VRK1: variants seen among roughly 807,000 people sequenced by gnomAD.
The protein encoded by VRK1 is serine/threonine-protein kinase VRK1.
In VRK1, 33 loss-of-function variants were observed where a neutral mutation model predicts 57.1. That is an observed-to-expected ratio of 0.58 (90% confidence interval 0.44 to 0.77). The LOEUF (loss-of-function observed/expected upper bound fraction) is 0.77, where lower values mean the gene tolerates loss of function less well. Among genes scored for constraint, VRK1 ranks in the 30% least tolerant of loss-of-function variants. VRK1 has a pLI of 0.00. For missense variants in VRK1, 413 were observed against 477.3 expected (o/e 0.87, Z 1.25); for synonymous variants, 137 against 147.8 (o/e 0.93, Z 0.53).
intron 2 of VRK1, 109 bp downstream of exon 2, chr14:96,833,740 CAACTT>C (rs1887105561): frequency 9.2e-6 from 14 of 1,517,032 alleles, no homozygotes; most frequent in Non-Finnish European, 1.3e-5. Flanking sequence ...AATCTGCAGT[CAACTT>C]AATAGTTTCT....
At chr14:96,805,702 TGTATC>T (rs1885845513) in intron 1 of VRK1, among the ~76,000 whole-genome samples, 1 of 152,124 alleles carries the variant, frequency 6.6e-6, no homozygotes, top group African/African-American at 2.4e-5. Context: ...CATGGAAAAA[TGTATC>T]ATTCCATTAA....
At chr14:96,849,383 C>A (rs1196045245) in intron 5 of VRK1, among the ~76,000 whole-genome samples, 1 of 151,854 alleles carries the variant, frequency 6.6e-6, no homozygotes, top group African/African-American at 2.4e-5. Flanking sequence ...GTACCTGGGG[C>A]TAGAGCATTT....
intron 1 of VRK1, among the ~76,000 whole-genome samples, chr14:96,827,041 A>G (rs900413921): frequency 4.6e-5 from 7 of 152,232 alleles, no homozygotes; most frequent in African/African-American, 1.7e-4. Flanking sequence ...AGAAAGGGGC[A>G]CACCCTGAGA....
intron 2 of VRK1, among the ~76,000 whole-genome samples, chr14:96,835,301 C>T (rs1887170981): frequency 1.3e-5 from 2 of 152,170 alleles, no homozygotes; most frequent in Admixed American, 1.3e-4. Flanking sequence ...TACTGTTTAT[C>T]TTTGTTTCTC....
At chr14:96,840,636 G>A (rs941623759) in intron 3 of VRK1, among the ~76,000 whole-genome samples, 1 of 152,172 alleles carries the variant, frequency 6.6e-6, no homozygotes, top group African/African-American at 2.4e-5. Flanking sequence ...CTATGGGTAA[G>A]ATGAGTTTCT....
At chr14:96,876,790 AAC>A (rs1674293729) in intron 12 of VRK1, among the ~76,000 whole-genome samples, 1 of 150,332 alleles carries the variant, frequency 6.7e-6, no homozygotes, top group African/African-American at 2.4e-5. Flanking sequence ...AAAAAAAAAA[AAC>A]ACAAAAAAAC....
In VRK1 at chr14:96,876,108, GC is replaced by G; in HGVS notation, c.1149del (p.Ile384TyrfsTer43). 3 of 1,613,554 alleles carry G rather than the reference GC, an allele frequency of 1.9e-6. No homozygotes were observed. The highest frequency in any genetic ancestry group is 2.5e-6 in the Non-Finnish European group (3 of 1,179,614). On this transcript the variant is annotated frameshift_variant, in exon 12 of 13. Coordinates refer to ENST00000216639, the MANE Select transcript of VRK1 (RefSeq NM_003384.3). LOFTEE classifies it high-confidence loss of function. ...ATGGTCAAACACACAGACAGAGGAG[GC>G]CATACAGACCCGTAAGTTGAACAGT... ...TEWSNTQTEEAIQTRSRTRKR... is the reference protein window; with the variant it reads ...TEWSNTQTEEXIQTRSRTRKR...
chr14:96,801,685 C>A (rs1032118158), intron 1 of VRK1, among the ~76,000 whole-genome samples: 3 of 152,108 alleles, frequency 2.0e-5, no homozygotes, highest in African/African-American at 7.2e-5. Context: ...ATAGCATAAA[C>A]AATTAACACA....
At chr14:96,857,341 G>T (rs1287392452) in intron 10 of VRK1, among the ~76,000 whole-genome samples, 1 of 152,096 alleles carries the variant, frequency 6.6e-6, no homozygotes, top group African/African-American at 2.4e-5. Context: ...GCCTCACTTG[G>T]AAGGTGACAT....
intron 11 of VRK1, among the ~76,000 whole-genome samples, chr14:96,863,867 A>G (rs1390160261): frequency 6.6e-6 from 1 of 152,178 alleles, no homozygotes; most frequent in Non-Finnish European, 1.5e-5. Flanking sequence ...CTTCCATTGC[A>G]AATCAGTAGC....
At chr14:96,876,942 G>T (rs1042306967) in intron 12 of VRK1, among the ~76,000 whole-genome samples, 4 of 152,076 alleles carry the variant, frequency 2.6e-5, no homozygotes, top group Admixed American at 2.6e-4. Flanking sequence ...GGTCTGATAT[G>T]TTTAATAAAC....
At chr14:96,853,596 ATATCT>A (rs1402331797) in intron 7 of VRK1, among the ~76,000 whole-genome samples, 1 of 152,102 alleles carries the variant, frequency 6.6e-6, no homozygotes, top group African/African-American at 2.4e-5. Flanking sequence ...GTTTACAGAA[ATATCT>A]TAGCTGTCTA....
chr14:96,871,694 G>A (rs1370143078), intron 11 of VRK1, among the ~76,000 whole-genome samples: 1 of 152,188 alleles, frequency 6.6e-6, no homozygotes, highest in Non-Finnish European at 1.5e-5. Context: ...CTTCACCTCT[G>A]TTCAGATGGA....
At chr14:96,861,206 T>G (rs929376491) in intron 11 of VRK1, among the ~76,000 whole-genome samples, 2 of 152,184 alleles carry the variant, frequency 1.3e-5, no homozygotes, top group African/African-American at 4.8e-5. Flanking sequence ...TGAAGAAATA[T>G]TATATAAAGC....
intron 11 of VRK1, chr14:96,861,057 C>T (rs1052391126): frequency 4.1e-5 from 8 of 195,958 alleles, no homozygotes; most frequent in Non-Finnish European, 1.1e-5. Flanking sequence ...TAGGGTTCAT[C>T]TTGTCTTGGT....
In VRK1 at chr14:96,855,431, G is replaced by A. The variant is rs74076161; in HGVS notation, c.709+75G>A. 2.8e-3 allele frequency: 4,426 copies of A among 1,606,442 alleles called. 100 individuals are homozygous for A. In the African/African-American group the frequency reaches 0.049, roughly 18 times the overall value. On this transcript the variant is annotated intron_variant, in intron 8 of 12. Coordinates refer to ENST00000216639, the MANE Select transcript of VRK1 (RefSeq NM_003384.3). Reference sequence around the variant, plus strand: ...AGATTCCTACATAGTTCTTAATTATGCATAAGTAAATGAATAGATAAATAA... The same window carrying A: ...AGATTCCTACATAGTTCTTAATTATACATAAGTAAATGAATAGATAAATAA...
chr14:96,820,388 T>C (rs913486650), intron 1 of VRK1, among the ~76,000 whole-genome samples: 2 of 152,178 alleles, frequency 1.3e-5, no homozygotes, highest in African/African-American at 4.8e-5. Context: ...CGATGATTGC[T>C]CTCAATTGAT....
intron 1 of VRK1, among the ~76,000 whole-genome samples, chr14:96,810,575 C>G (rs978174923): frequency 6.6e-6 from 1 of 152,160 alleles, no homozygotes; most frequent in African/African-American, 2.4e-5. Flanking sequence ...CTGTTGGACA[C>G]AAGCCTGGGA....
intron 1 of VRK1, among the ~76,000 whole-genome samples, chr14:96,813,824 A>G (rs1165798551): frequency 6.6e-6 from 1 of 152,152 alleles, no homozygotes. Flanking sequence ...TTTAATTAGC[A>G]AAAAGGCATT....
Sources: gnomAD v4.1 joint callset for allele counts (sites outside exome capture counted in the v4.1 genomes callset) on GRCh38, gnomAD v4.1.1 for gene constraint, MANE v1.5 for transcripts, NCBI Gene and HGNC (gene_info 2026-07-23, HGNC 2026-07-21) for gene names.